The following ANKS1B variants were observed in gnomAD, a reference collection of about 807,000 sequenced individuals.
ANKS1B encodes the protein ankyrin repeat and sterile alpha motif domain-containing protein 1B.
Under a neutral mutation model 148.3 loss-of-function variants are expected in ANKS1B, and 36 were observed. The observed-to-expected ratio is 0.24, with a 90% CI of 0.19 to 0.32. ANKS1B has a LOEUF of 0.32. Among genes scored for constraint, ANKS1B ranks in the 10% least tolerant of loss-of-function variants. ANKS1B has a pLI of 1.00. For synonymous variants in ANKS1B, 542 were observed against 560.8 expected (o/e 0.97, Z 0.47); for missense variants, 1,157 against 1,542.6 (o/e 0.75, Z 4.19).
At chr12:99,163,467 C>CTGTGTGTGTGTGTGTGTGTGTGTG (rs146637164) in intron 14 of ANKS1B, among the ~76,000 whole-genome samples, 1 of 135,004 alleles carries the variant, frequency 7.4e-6, no homozygotes, top group African/African-American at 2.8e-5. Flanking sequence ...TACATGCACT[C>CTGTGTGTGTGTGTGTGTGTGTGTG]TGTGTGTGTG....
chr12:99,966,247 C>T (rs1179169538), intron 1 of ANKS1B, among the ~76,000 whole-genome samples: 1 of 151,944 alleles, frequency 6.6e-6, no homozygotes, highest in Non-Finnish European at 1.5e-5. Context: ...GTGGTTAGGT[C>T]GAAGAATGTC....
chr12:99,114,039 C>T (rs889394875), intron 15 of ANKS1B, among the ~76,000 whole-genome samples: 1 of 152,308 alleles, frequency 6.6e-6, no homozygotes, highest in African/African-American at 2.4e-5. Context: ...CTTTGTAATA[C>T]TTTTGCACAA....
At chr12:99,594,854 G>A (rs2097741572) in intron 9 of ANKS1B, among the ~76,000 whole-genome samples, 1 of 151,602 alleles carries the variant, frequency 6.6e-6, no homozygotes, top group Admixed American at 6.6e-5. Context: ...TGTTAAGAAG[G>A]TAAATCTGAT....
At chr12:99,972,561 G>C (rs555025896) in intron 1 of ANKS1B, among the ~76,000 whole-genome samples, 1 of 152,292 alleles carries the variant, frequency 6.6e-6, no homozygotes, top group Non-Finnish European at 1.5e-5. Context: ...GATGGAGCTG[G>C]GGAAGCTGCA....
intron 19 of ANKS1B, among the ~76,000 whole-genome samples, chr12:98,821,652 A>G (rs1238692649): frequency 6.6e-6 from 1 of 152,192 alleles, no homozygotes; most frequent in Admixed American, 6.5e-5. Flanking sequence ...TCTGTTTCCC[A>G]GGCTGGAGTG....
chr12:99,210,471 T>C (rs1291128313), intron 14 of ANKS1B, among the ~76,000 whole-genome samples: 2 of 152,228 alleles, frequency 1.3e-5, no homozygotes, highest in Non-Finnish European at 2.9e-5. Flanking sequence ...ATTGGTCATG[T>C]CAAACCCAGA....
chr12:99,478,050 G>A (rs1237766025), intron 10 of ANKS1B, among the ~76,000 whole-genome samples: 6 of 152,166 alleles, frequency 3.9e-5, no homozygotes, highest in Admixed American at 3.9e-4. Flanking sequence ...ATGAAATACA[G>A]TGACACCAAC....
chr12:99,527,863 T>C (rs543251969), intron 9 of ANKS1B, among the ~76,000 whole-genome samples: 4 of 150,182 alleles, frequency 2.7e-5, no homozygotes, highest in African/African-American at 9.8e-5. Context: ...AAAAAAACTA[T>C]TTTAAAATTC....
At chr12:99,206,768 G>C (rs377599180) in intron 14 of ANKS1B, among the ~76,000 whole-genome samples, 9 of 152,160 alleles carry the variant, frequency 5.9e-5, no homozygotes, top group Non-Finnish European at 1.0e-4. Context: ...TAAGAAACAA[G>C]CTAAATGGAA....
At chr12:99,258,118 T>G (rs1026126151) in intron 12 of ANKS1B, among the ~76,000 whole-genome samples, 3 of 152,198 alleles carry the variant, frequency 2.0e-5, no homozygotes, top group Admixed American at 6.5e-5. Flanking sequence ...AAACCACAGT[T>G]TATTAGGAAT....
intron 17 of ANKS1B, among the ~76,000 whole-genome samples, chr12:98,945,845 C>T (rs1190675398): frequency 5.3e-5 from 8 of 152,202 alleles, no homozygotes. Flanking sequence ...AGCACTTCAC[C>T]ATCGGCAAAA....
rs2095753566 is a variant in ANKS1B, at chr12:99,984,685, G to C, written c.-448C>G. The stretch of plus-strand genomic sequence containing the variant: ...ACCCGCGGTGGCAGCAGCGGCCCGC[G>C]CGCCCTCGCGCCCGACCCGGGCTCG... On this transcript the variant is annotated 5_prime_UTR_variant, in exon 1 of 27. Coordinates refer to ENST00000683438, the MANE Select transcript of ANKS1B (RefSeq NM_001352186.2). 1 of 152,420 alleles carries C rather than the reference G, an allele frequency of 6.6e-6. No individual in the cohort carries two copies. 9.4% of individuals were successfully genotyped at this position (152,420 alleles called of 1,614,324 possible).
intron 15 of ANKS1B, among the ~76,000 whole-genome samples, chr12:99,113,718 T>C (rs998198608): frequency 6.6e-6 from 1 of 152,182 alleles, no homozygotes; most frequent in African/African-American, 2.4e-5. Flanking sequence ...CTTTCACTAG[T>C]AGACTCTCAG....
At chr12:99,192,131 CAA>C (rs35767286) in intron 14 of ANKS1B, among the ~76,000 whole-genome samples, 1 of 57,798 alleles carries the variant, frequency 1.7e-5, no homozygotes. Flanking sequence ...GACTCCATCT[CAA>C]AAAAAAAAAA....
intron 15 of ANKS1B, among the ~76,000 whole-genome samples, chr12:99,130,801 C>T (rs1468996688): frequency 6.6e-6 from 1 of 152,204 alleles, no homozygotes; most frequent in African/African-American, 2.4e-5. Context: ...ACTCCAGTAA[C>T]ACCACTTTGT....
At chr12:99,882,835 T>C (rs1407225107) in intron 1 of ANKS1B, among the ~76,000 whole-genome samples, 1 of 152,110 alleles carries the variant, frequency 6.6e-6, no homozygotes, top group Non-Finnish European at 1.5e-5. Context: ...AAAGAAGTCA[T>C]GGAGGCCAGA....
chr12:99,312,207 C>G (rs916715084), intron 12 of ANKS1B, among the ~76,000 whole-genome samples: 1 of 152,122 alleles, frequency 6.6e-6, no homozygotes, highest in Non-Finnish European at 1.5e-5. Flanking sequence ...GGCCAGCAAC[C>G]AGGAGTCTTG....
intron 8 of ANKS1B, among the ~76,000 whole-genome samples, chr12:99,757,907 T>C (rs2061717681): frequency 6.6e-6 from 1 of 151,616 alleles, no homozygotes; most frequent in South Asian, 2.1e-4. Flanking sequence ...CACAGACAAA[T>C]AGAGAACAGC....
At chr12:99,365,209 T>C (rs2092701017) in intron 12 of ANKS1B, among the ~76,000 whole-genome samples, 1 of 152,164 alleles carries the variant, frequency 6.6e-6, no homozygotes, top group Non-Finnish European at 1.5e-5. Flanking sequence ...GCTGCCCACA[T>C]GGGCAGACAC....
Sources: allele counts gnomAD v4.1 joint callset (sites outside exome capture counted in the v4.1 genomes callset), GRCh38; gene constraint gnomAD v4.1.1; transcripts MANE v1.5; gene names NCBI Gene and HGNC (gene_info 2026-07-23, HGNC 2026-07-21).